The following SLC12A2 variants were observed in gnomAD, a reference collection of about 807,000 sequenced individuals.
SLC12A2 encodes solute carrier family 12 member 2, also known as Na-K-2Cl cotransporter 1.
SLC12A2 carries 67 observed loss-of-function variants against 136.3 expected under a neutral mutation model. That is an observed-to-expected ratio of 0.49 (90% CI 0.40 to 0.60). The LOEUF (loss-of-function observed/expected upper bound fraction) is 0.60, where lower values mean the gene tolerates loss of function less well. Ranked by LOEUF, SLC12A2 falls within the 20% of genes least tolerant of loss-of-function variation. The pLI is 0.00. For synonymous variants in SLC12A2, 619 were observed against 562.9 expected (o/e 1.10, Z -1.41); for missense variants, 1,322 against 1,534.7 (o/e 0.86, Z 2.32).
At chr5:128,125,154 T>C (rs570255185) in intron 4 of SLC12A2, among the ~76,000 whole-genome samples, 11 of 152,354 alleles carry the variant, frequency 7.2e-5, no homozygotes, top group Admixed American at 2.0e-4. Flanking sequence ...AAAACAATAA[T>C]AAGAGATAGG....
chr5:128,150,271 C>T (rs899503805), intron 13 of SLC12A2, among the ~76,000 whole-genome samples, 173 bp downstream of exon 13: 3 of 151,770 alleles, frequency 2.0e-5, no homozygotes, highest in Non-Finnish European at 4.4e-5. Context: ...AGTAAGTTTA[C>T]TGATAATATT....
chr5:128,158,203 TA>T, intron 16 of SLC12A2, 39 bp downstream of exon 16: 2 of 1,472,602 alleles, frequency 1.4e-6, no homozygotes, highest in Non-Finnish European at 1.9e-6. Flanking sequence ...AGTTTTTTTT[TA>T]AAGTTTTATT....
At chr5:128,153,437 C>G (rs2126725449) in intron 15 of SLC12A2, among the ~76,000 whole-genome samples, 1 of 152,276 alleles carries the variant, frequency 6.6e-6, no homozygotes, top group South Asian at 2.1e-4. Context: ...TGCCTGTAGT[C>G]CCAGCTACTT....
intron 15 of SLC12A2, among the ~76,000 whole-genome samples, chr5:128,153,027 G>A (rs1193468925): frequency 6.6e-6 from 1 of 152,158 alleles, no homozygotes; most frequent in Non-Finnish European, 1.5e-5. Flanking sequence ...TGATGGGTAT[G>A]ATAAAGTCAA....
intron 19 of SLC12A2, among the ~76,000 whole-genome samples, chr5:128,173,080 T>C (rs1763432840): frequency 6.6e-6 from 1 of 152,196 alleles, no homozygotes; most frequent in Admixed American, 6.5e-5. Flanking sequence ...ATATTACCCC[T>C]ATCAATTAAT....
At chr5:128,100,725 ATCT>A (rs1211351615) in intron 1 of SLC12A2, among the ~76,000 whole-genome samples, 7 of 152,304 alleles carry the variant, frequency 4.6e-5, no homozygotes, top group African/African-American at 1.2e-4. Flanking sequence ...ATACTTCTCT[ATCT>A]TCTTACCAAC....
intron 19 of SLC12A2, 48 bp downstream of exon 19, chr5:128,171,794 C>T (rs1362332491): frequency 1.8e-6 from 2 of 1,088,956 alleles, no homozygotes; most frequent in East Asian, 4.8e-5. Context: ...ATATAAACTA[C>T]TTTGTTAGAA....
intron 4 of SLC12A2, among the ~76,000 whole-genome samples, chr5:128,121,832 A>G (rs1399746116): frequency 1.3e-5 from 2 of 152,136 alleles, no homozygotes; most frequent in East Asian, 3.9e-4. Flanking sequence ...GAATCATAGC[A>G]GTGTTCTTGA....
intron 23 of SLC12A2, 78 bp downstream of exon 23, chr5:128,181,072 T>C (rs1487499418): frequency 1.1e-6 from 1 of 902,262 alleles, no homozygotes; most frequent in African/African-American, 1.7e-5. Context: ...GGATAAAAAT[T>C]AGACAATCCA....
chr5:128,083,936 C>G lies in SLC12A2; in HGVS notation c.-19C>G. The G allele has an allele frequency of 1.6e-6, 2 of 1,227,456 alleles. No homozygotes were observed. Among genetic ancestry groups the G allele is most frequent in the Non-Finnish European group, 2.0e-6 (2 of 984,318 alleles). 76.0% of individuals were successfully genotyped at this position (1,227,456 alleles called of 1,614,324 possible). On this transcript the variant is annotated 5_prime_UTR_variant, in exon 1 of 27. Coordinates refer to ENST00000262461, the MANE Select transcript of SLC12A2 (RefSeq NM_001046.3). Reference sequence around the variant, plus strand: ...AGACGTCCGCCGGGCTCTGCAGTTCCGCCGGGGGTCGGGCAGCTATGGAGC... The same window carrying G: ...AGACGTCCGCCGGGCTCTGCAGTTCGGCCGGGGGTCGGGCAGCTATGGAGC...
rs573975340 is a variant in SLC12A2 at position 128,164,857 on chromosome 5, T to G, written c.2617-2904T>G. On this transcript the variant is annotated intron_variant, in intron 17 of 26. Transcript: ENST00000262461. Reference sequence around the variant, plus strand: ...CAACAAAACTGTTTTGTTTTTTTTTTTTTTTTTGGAGACAGAATCTCACTC... The same window carrying G: ...CAACAAAACTGTTTTGTTTTTTTTTGTTTTTTTGGAGACAGAATCTCACTC... Among the ~76,000 whole-genome samples the G allele has an allele frequency of 4.6e-5, 7 of 150,954 alleles. No homozygotes were observed. In the South Asian group the frequency reaches 1.5e-3, roughly 32 times the overall value.
chr5:128,134,356 G>A, intron 6 of SLC12A2, 81 bp downstream of exon 6: 1 of 753,274 alleles, frequency 1.3e-6, no homozygotes, highest in Non-Finnish European at 2.3e-6. Context: ...CTGAAGTATG[G>A]TAATATTTCC....
intron 10 of SLC12A2, among the ~76,000 whole-genome samples, chr5:128,145,629 C>T (rs555591252): frequency 6.6e-6 from 1 of 152,188 alleles, no homozygotes; most frequent in African/African-American, 2.4e-5. Flanking sequence ...CTTTAAAACA[C>T]TTCAGAGATG....
At chr5:128,089,154 G>A (rs1347470536) in intron 1 of SLC12A2, among the ~76,000 whole-genome samples, 43 of 130,438 alleles carry the variant, frequency 3.3e-4, no homozygotes, top group African/African-American at 1.2e-3. Context: ...GGCAACAAGA[G>A]CAAAACTTTG....
At chr5:128,173,374 C>T (rs964845794) in intron 19 of SLC12A2, among the ~76,000 whole-genome samples, 2 of 152,126 alleles carry the variant, frequency 1.3e-5, no homozygotes, top group Non-Finnish European at 2.9e-5. Flanking sequence ...TTCCCTTTCA[C>T]GTATCAGTTT....
chr5:128,172,145 C>G (rs149751044), intron 19 of SLC12A2, among the ~76,000 whole-genome samples: 13 of 151,868 alleles, frequency 8.6e-5, no homozygotes, highest in Non-Finnish European at 1.6e-4. Flanking sequence ...TTGATAGAAG[C>G]CTAAAGTTTG....
intron 16 of SLC12A2, among the ~76,000 whole-genome samples, chr5:128,159,266 A>G (rs1270246025): frequency 6.6e-6 from 1 of 152,126 alleles, no homozygotes; most frequent in Non-Finnish European, 1.5e-5. Flanking sequence ...AAGATGGATT[A>G]AAGACTTAAA....
chr5:128,135,930 A>G, intron 7 of SLC12A2, 122 bp downstream of exon 7: 5 of 673,818 alleles, frequency 7.4e-6, no homozygotes, highest in Non-Finnish European at 1.3e-5. Flanking sequence ...GATTCACCCT[A>G]ATTTACAATT....
At chr5:128,154,063 A>C (rs923996007) in intron 15 of SLC12A2, among the ~76,000 whole-genome samples, 27 of 133,372 alleles carry the variant, frequency 2.0e-4, no homozygotes, top group Non-Finnish European at 3.4e-4. Context: ...AATTAAAAAA[A>C]AAAACAAAAA....
Sources: gnomAD v4.1 joint callset for allele counts (sites outside exome capture counted in the v4.1 genomes callset) on GRCh38, gnomAD v4.1.1 for gene constraint, MANE v1.5 for transcripts, NCBI Gene and HGNC (gene_info 2026-07-23, HGNC 2026-07-21) for gene names.